The following DKK2 variants were observed in gnomAD, a reference collection of about 807,000 sequenced individuals.
DKK2 encodes dickkopf Wnt signaling pathway inhibitor 2.
A neutral mutation model predicts 28.1 loss-of-function variants in DKK2; 11 were observed. That is an observed-to-expected ratio of 0.39 (90% CI 0.25 to 0.65). The LOEUF (loss-of-function observed/expected upper bound fraction) is 0.65. Ranked by LOEUF, DKK2 falls within the 30% of genes least tolerant of loss-of-function variation. The pLI is 0.47. For missense variants in DKK2, 326 were observed against 335.5 expected, an observed-to-expected ratio of 0.97 and a Z score of 0.22; for synonymous variants, 135 against 126.5, an observed-to-expected ratio of 1.07 and a Z score of -0.45.
At chr4:106,934,253 T>C (rs1436703193) in intron 1 of DKK2, among the ~76,000 whole-genome samples, 1 of 152,204 alleles carries the variant, frequency 6.6e-6, no homozygotes, top group Non-Finnish European at 1.5e-5. Flanking sequence ...CTGCACTAGA[T>C]GCAAGTATTA....
intron 1 of DKK2, among the ~76,000 whole-genome samples, chr4:107,007,748 T>A (rs1311777223): frequency 1.3e-5 from 2 of 152,154 alleles, no homozygotes; most frequent in African/African-American, 4.8e-5. Context: ...CATCATGAGA[T>A]TTAATTGGTC....
chr4:106,977,217 G>C (rs867010101), intron 1 of DKK2, among the ~76,000 whole-genome samples: 1 of 152,002 alleles, frequency 6.6e-6, no homozygotes, highest in East Asian at 1.9e-4. Context: ...ATTATGTGTC[G>C]TGGGGTTGCT....
chr4:106,997,339 T>A (rs1327115216), intron 1 of DKK2, among the ~76,000 whole-genome samples: 1 of 152,190 alleles, frequency 6.6e-6, no homozygotes, highest in Non-Finnish European at 1.5e-5. Context: ...CATGTCAATA[T>A]GTTACTAGAC....
chr4:106,944,234 C>T (rs576887048), intron 1 of DKK2, among the ~76,000 whole-genome samples: 11 of 152,144 alleles, frequency 7.2e-5, no homozygotes, highest in African/African-American at 2.4e-4. Context: ...CATAGAATGT[C>T]ACCACCCAAA....
At chr4:106,941,860 A>T (rs1399019708) in intron 1 of DKK2, among the ~76,000 whole-genome samples, 1 of 152,186 alleles carries the variant, frequency 6.6e-6, no homozygotes, top group Non-Finnish European at 1.5e-5. Context: ...GTTTCTGATA[A>T]TAGCAATAAT....
chr4:107,003,483 C>T (rs1723392589), intron 1 of DKK2, among the ~76,000 whole-genome samples: 1 of 152,248 alleles, frequency 6.6e-6, no homozygotes, highest in Non-Finnish European at 1.5e-5. Context: ...GTCTGGAGAG[C>T]CCACCTTGGT....
intron 1 of DKK2, among the ~76,000 whole-genome samples, chr4:106,983,321 A>AAAGAAAGG (rs1308162308): frequency 3.5e-5 from 4 of 114,022 alleles, no homozygotes; most frequent in South Asian, 2.8e-4. Context: ...AAGAAAGAAG[A>AAAGAAAGG]AAGAAAGGAA....
chr4:106,938,348 C>T (rs1218520694), intron 1 of DKK2, among the ~76,000 whole-genome samples: 1 of 152,156 alleles, frequency 6.6e-6, no homozygotes, highest in Non-Finnish European at 1.5e-5. Context: ...CACCTCTGCG[C>T]AAATAAACTA....
At chr4:106,960,125 T>TATAC (rs1469008140) in intron 1 of DKK2, among the ~76,000 whole-genome samples, 3 of 149,914 alleles carry the variant, frequency 2.0e-5, no homozygotes, top group Non-Finnish European at 3.0e-5. Flanking sequence ...TATATATATA[T>TATAC]ATATATACAC....
chr4:107,025,579 G>A (rs996079183), intron 1 of DKK2, among the ~76,000 whole-genome samples: 1 of 152,142 alleles, frequency 6.6e-6, no homozygotes, highest in African/African-American at 2.4e-5. Context: ...AGGACAAGCA[G>A]CCTGCATTCT....
chr4:106,936,297 G>A (rs1724587234), intron 1 of DKK2, among the ~76,000 whole-genome samples: 1 of 152,086 alleles, frequency 6.6e-6, no homozygotes, highest in South Asian at 2.1e-4. Flanking sequence ...GAAAACCAAG[G>A]CTCAAGAACT....
At chr4:106,943,883 T>C (rs1724738258) in intron 1 of DKK2, among the ~76,000 whole-genome samples, 2 of 152,206 alleles carry the variant, frequency 1.3e-5, no homozygotes, top group South Asian at 4.1e-4. Flanking sequence ...GCCTATGGCA[T>C]GTGGGAGCTA....
chr4:106,957,024 A>G (rs1309911959), intron 1 of DKK2, among the ~76,000 whole-genome samples: 1 of 151,856 alleles, frequency 6.6e-6, no homozygotes. Flanking sequence ...GCTAATATCC[A>G]GAATCTACAA....
At chr4:106,924,370 C>T in intron 3 of DKK2, 166 bp from the exon 4 acceptor site, 1 of 1,241,744 alleles carries the variant, frequency 8.1e-7, no homozygotes, top group South Asian at 1.6e-5. Flanking sequence ...CCTCTTATCA[C>T]ATAAATCTAT....
chr4:106,970,209 A>C (rs1017498162), intron 1 of DKK2, among the ~76,000 whole-genome samples: 3 of 152,242 alleles, frequency 2.0e-5, no homozygotes, highest in Admixed American at 1.3e-4. Flanking sequence ...GATTAACTAA[A>C]TTAAGGTAAA....
chr4:106,933,905 G>A (rs1267423734), intron 1 of DKK2, among the ~76,000 whole-genome samples: 1 of 152,002 alleles, frequency 6.6e-6, no homozygotes, highest in Non-Finnish European at 1.5e-5. Context: ...TGTTATACAA[G>A]TTTAAGTAAT....
chr4:107,023,502 T>G (rs1230637702), intron 1 of DKK2, among the ~76,000 whole-genome samples: 3 of 152,036 alleles, frequency 2.0e-5, no homozygotes, highest in Non-Finnish European at 1.5e-5. Context: ...GGTAAATAGG[T>G]GGAACACAGA....
chr4:106,927,063 A>G (rs1405503177), intron 1 of DKK2, among the ~76,000 whole-genome samples: 2 of 152,110 alleles, frequency 1.3e-5, no homozygotes, highest in Non-Finnish European at 1.5e-5. Context: ...TGATTTTTTA[A>G]TTGAAAATAC....
intron 1 of DKK2, among the ~76,000 whole-genome samples, chr4:106,961,591 A>ACACACACACACACACACACACACT (rs1722685931): frequency 6.6e-6 from 1 of 151,964 alleles, no homozygotes; most frequent in Non-Finnish European, 1.5e-5. Context: ...ACACACACAC[A>ACACACACACACACACACACACACT]CACACACAGT....
Sources: gnomAD v4.1 joint callset for allele counts (sites outside exome capture counted in the v4.1 genomes callset) on GRCh38, gnomAD v4.1.1 for gene constraint, MANE v1.5 for transcripts, NCBI Gene and HGNC (gene_info 2026-07-23, HGNC 2026-07-21) for gene names.